Variants in ANTXR2 observed in about 807,000 individuals in gnomAD.
ANTXR2 encodes ANTXR cell adhesion molecule 2.
Under a neutral mutation model 73.7 loss-of-function variants are expected in ANTXR2, and 44 were observed. The observed-to-expected ratio is 0.60, with a 90% CI of 0.47 to 0.77. ANTXR2 has a LOEUF of 0.77. ANTXR2 is among the 30% of genes least tolerant of loss of function. The pLI is 0.00. For synonymous variants in ANTXR2, 217 were observed against 205.9 expected (o/e 1.05, Z -0.46); for missense variants, 604 against 592.5 (o/e 1.02, Z -0.20).
chr4:79,937,757 C>G (rs1042551616), intron 16 of ANTXR2, among the ~76,000 whole-genome samples: 2 of 151,992 alleles, frequency 1.3e-5, no homozygotes, highest in African/African-American at 4.8e-5. Context: ...CTCCGGTCTA[C>G]AGCTCCCAGC....
chr4:80,001,314 C>A (rs1338271580), intron 12 of ANTXR2, among the ~76,000 whole-genome samples: 1 of 122,020 alleles, frequency 8.2e-6, no homozygotes, highest in Admixed American at 9.1e-5. Flanking sequence ...TATCCCTCCC[C>A]CCTCCCCCCA....
chr4:79,912,335 CTGAG>C, intron 16 of ANTXR2, among the ~76,000 whole-genome samples: 1 of 151,822 alleles, frequency 6.6e-6, no homozygotes, highest in Non-Finnish European at 1.5e-5. Flanking sequence ...TAAGATTACT[CTGAG>C]TATGTTTACC....
At chr4:80,035,855 A>G (rs1468277510) in intron 8 of ANTXR2, 117 bp downstream of exon 8, 1 of 813,596 alleles carries the variant, frequency 1.2e-6, no homozygotes, top group Middle Eastern at 2.7e-4. Flanking sequence ...TACACAAAAA[A>G]GATGCCAAAA....
intron 12 of ANTXR2, among the ~76,000 whole-genome samples, chr4:80,006,708 T>C (rs1388232241): frequency 2.0e-5 from 3 of 152,104 alleles, no homozygotes; most frequent in African/African-American, 7.2e-5. Context: ...CACCTGATGA[T>C]TGGCTCCTCT....
chr4:79,924,938 A>G (rs1238550440), intron 16 of ANTXR2, among the ~76,000 whole-genome samples: 2 of 152,172 alleles, frequency 1.3e-5, no homozygotes, highest in African/African-American at 4.8e-5. Context: ...CATTACAGAT[A>G]GAAAAGCTAT....
At chr4:80,008,678 T>C in intron 11 of ANTXR2, 62 bp from the exon 12 acceptor site, 1 of 1,043,886 alleles carries the variant, frequency 9.6e-7, no homozygotes, top group Admixed American at 3.1e-5. Flanking sequence ...ATTCCAAATG[T>C]ATATATATTT....
intron 3 of ANTXR2, among the ~76,000 whole-genome samples, chr4:80,061,091 G>A (rs540796584): frequency 2.0e-5 from 3 of 152,120 alleles, no homozygotes; most frequent in Non-Finnish European, 4.4e-5. Flanking sequence ...GGTGGTCTCA[G>A]AGTAGTCAAA....
At chr4:79,962,371 T>A (rs1183845343) in intron 16 of ANTXR2, among the ~76,000 whole-genome samples, 1 of 151,052 alleles carries the variant, frequency 6.6e-6, no homozygotes, top group African/African-American at 2.4e-5. Context: ...AAAATTTATC[T>A]TTCAAATATG....
chr4:79,959,240 AT>A lies in ANTXR2; in HGVS notation c.1428+18380del, dbSNP rs557397185. On this transcript the variant is annotated intron_variant, in intron 16 of 16. Transcript: ENST00000403729. ...CTAATTTTAGCCCCTTATAAATAAC[AT>A]TTTTTTGTATCATCATCCTTAGCCA... Among the ~76,000 whole-genome samples the A allele has an allele frequency of 1.8e-3, 278 of 152,116 alleles. 1 individual carries two copies. The highest frequency in any genetic ancestry group is 6.1e-3 in the African/African-American group (254 of 41,518).
chr4:79,983,591 C>T (rs997393854), intron 14 of ANTXR2, among the ~76,000 whole-genome samples: 1 of 152,016 alleles, frequency 6.6e-6, no homozygotes, highest in East Asian at 1.9e-4. Context: ...ACGTTCTATG[C>T]GGTAATTTTT....
chr4:79,932,090 C>T (rs914305310), intron 16 of ANTXR2, among the ~76,000 whole-genome samples: 1 of 152,040 alleles, frequency 6.6e-6, no homozygotes, highest in Non-Finnish European at 1.5e-5. Flanking sequence ...GAGGTAAACC[C>T]GACAAAAAGA....
chr4:80,050,732 G>A (rs1010762020), intron 7 of ANTXR2, among the ~76,000 whole-genome samples: 1 of 151,576 alleles, frequency 6.6e-6, no homozygotes, highest in African/African-American at 2.4e-5. Context: ...CCACTATGCT[G>A]TGCTTCCTTT....
intron 12 of ANTXR2, among the ~76,000 whole-genome samples, chr4:79,999,531 T>A (rs1730915560): frequency 3.3e-5 from 5 of 152,182 alleles, no homozygotes; most frequent in African/African-American, 1.2e-4. Context: ...CACCACTCCT[T>A]AGCAGTCTGG....
At chr4:80,056,076 T>C (rs1733983006) in intron 3 of ANTXR2, 63 bp from the exon 4 acceptor site, 2 of 1,144,660 alleles carry the variant, frequency 1.7e-6, no homozygotes, top group Non-Finnish European at 2.4e-6. Flanking sequence ...TAAACACTTC[T>C]TAAAAAACAT....
chr4:79,984,713 C>T (rs945115566), intron 13 of ANTXR2, 106 bp downstream of exon 13: 7 of 941,108 alleles, frequency 7.4e-6, no homozygotes, highest in Non-Finnish European at 1.0e-5. Flanking sequence ...AAAGTCAGTA[C>T]ATAGGTATCA....
rs1371923498 is a variant in ANTXR2 at position 80,056,004 on chromosome 4, G to C, written c.306C>G (p.Ile102Met). 1 of 1,554,306 alleles carries C rather than the reference G, an allele frequency of 6.4e-7. No homozygotes were observed. The highest frequency in any genetic ancestry group is 8.7e-7 in the Non-Finnish European group (1 of 1,150,918). ...GTTTTAAATCCTCCAAGCCTTTACTGATTTTGCCTCTGAAAATAATATTAA... is the reference window on the plus strand; with the variant it reads ...GTTTTAAATCCTCCAAGCCTTTACTCATTTTGCCTCTGAAAATAATATTAA... ...ILPLTGDRGK[I>M]SKGLEDLKRV... Residue 102 changes from isoleucine to methionine, a missense_variant, in exon 4 of 17, where the codon ATC becomes ATG. Ile to Met is a conservative substitution (Grantham distance 10). Transcript: ENST00000403729.
At chr4:80,044,096 C>G (rs550910111) in intron 7 of ANTXR2, among the ~76,000 whole-genome samples, 1 of 152,032 alleles carries the variant, frequency 6.6e-6, no homozygotes, top group African/African-American at 2.4e-5. Flanking sequence ...AGTTTCCTAT[C>G]TTGCTTGCCT....
chr4:80,037,066 T>C (rs1484815644), intron 7 of ANTXR2, among the ~76,000 whole-genome samples: 9 of 152,110 alleles, frequency 5.9e-5, no homozygotes, highest in Admixed American at 5.2e-4. Flanking sequence ...AGGCTACAAC[T>C]GAAAAACAAT....
intron 16 of ANTXR2, among the ~76,000 whole-genome samples, chr4:79,949,383 G>A (rs1416366352): frequency 2.0e-5 from 3 of 152,174 alleles, no homozygotes; most frequent in Admixed American, 2.0e-4. Context: ...ATGATGACAA[G>A]GACTGGATTC....
Sources: allele counts gnomAD v4.1 joint callset (sites outside exome capture counted in the v4.1 genomes callset), GRCh38; gene constraint gnomAD v4.1.1; transcripts MANE v1.5; gene names NCBI Gene and HGNC (gene_info 2026-07-23, HGNC 2026-07-21).